MSR1: variants seen among roughly 807,000 people sequenced by gnomAD.
MSR1 encodes the protein macrophage scavenger receptor types I and II.
A neutral mutation model predicts 47.2 loss-of-function variants in MSR1; 53 were observed. The observed-to-expected ratio is 1.12, with a 90% CI of 0.90 to 1.41. MSR1 has a LOEUF of 1.41. MSR1 is among the 40% of genes most tolerant of loss of function. MSR1 has a pLI of 0.00. For missense variants in MSR1, 786 were observed against 546.9 expected, an observed-to-expected ratio of 1.44 and a Z score of -4.36; for synonymous variants, 239 against 185.6, an observed-to-expected ratio of 1.29 and a Z score of -2.34.
At chr8:16,135,606 T>C (rs1427047483) in intron 8 of MSR1, among the ~76,000 whole-genome samples, 1 of 152,202 alleles carries the variant, frequency 6.6e-6, no homozygotes, top group Non-Finnish European at 1.5e-5. Flanking sequence ...CCAGGATTAA[T>C]TTTTACTTTC....
At chr8:16,181,721 C>G (rs1454528684) in intron 1 of MSR1, among the ~76,000 whole-genome samples, 1 of 151,468 alleles carries the variant, frequency 6.6e-6, no homozygotes, top group Non-Finnish European at 1.5e-5. Context: ...ATGGGTGCAC[C>G]AAACCACCAT....
Position 16,168,686 on chromosome 8 carries a change from G to A in MSR1, c.402C>T (p.Asn134=), listed in dbSNP as rs776341969. ...RIQHILDMEA[N]LMDTEHFQNF... ...TTTGGAAATGCTCTGTGTCCATGAG[G>A]TTGGCTTCCATGTCTAAAATATGCT... Residue 134 remains asparagine, a synonymous_variant, in exon 4 of 10, where the codon AAC becomes AAT. Transcript: ENST00000262101. 1.2e-6 allele frequency: 2 copies of A among 1,614,132 alleles called. No individual in the cohort carries two copies. Among genetic ancestry groups the A allele is most frequent in the Middle Eastern group, 1.7e-4 (1 of 6,060 alleles).
rs149828791 is a variant in MSR1, at chr8:16,131,521, A to G, written c.1034-10915T>C. Among the ~76,000 whole-genome samples the G allele has an allele frequency of 9.5e-4, 126 of 132,748 alleles. 1 individual carries two copies. The highest frequency in any genetic ancestry group is 3.5e-3 in the African/African-American group (124 of 35,538). The allele number at this position is 132,748 out of a possible 152,430, so 87.1% of individuals were successfully genotyped here. A position where few individuals can be genotyped will look rare whatever the true frequency, so the allele number is the denominator to read the frequency against. On this transcript the variant is annotated intron_variant, in intron 8 of 9. Coordinates refer to ENST00000262101, the MANE Select transcript of MSR1 (RefSeq NM_138715.3). ...TTTGTCAATTTTTATTTTTGATGCA[A>G]TTGCTTTTGGCATCTTCATCGTGAA...
chr8:16,119,287 T>C (rs1799943899), intron 9 of MSR1, among the ~76,000 whole-genome samples: 1 of 152,034 alleles, frequency 6.6e-6, no homozygotes. Context: ...CAGGGTGGAG[T>C]GCAGCTCGGC....
chr8:16,114,802 T>A (rs1361794403), intron 9 of MSR1, among the ~76,000 whole-genome samples: 1 of 152,144 alleles, frequency 6.6e-6, no homozygotes. Context: ...GTTTGCTATT[T>A]AAAACCAGAA....
At chr8:16,134,858 G>T (rs1352848705) in intron 8 of MSR1, among the ~76,000 whole-genome samples, 1 of 152,140 alleles carries the variant, frequency 6.6e-6, no homozygotes, top group African/African-American at 2.4e-5. Context: ...TTTAGTTAGT[G>T]GCCTTCATAT....
At chr8:16,113,525 G>T (rs539763571) in intron 9 of MSR1, among the ~76,000 whole-genome samples, 1 of 152,220 alleles carries the variant, frequency 6.6e-6, no homozygotes, top group African/African-American at 2.4e-5. Context: ...GCCTAGTTGG[G>T]AAGTGTTTTG....
At chr8:16,180,183 T>G (rs1801787129) in intron 1 of MSR1, among the ~76,000 whole-genome samples, 1 of 151,944 alleles carries the variant, frequency 6.6e-6, no homozygotes, top group African/African-American at 2.4e-5. Flanking sequence ...CTTCTCTCAT[T>G]CACTCTTTCA....
At chr8:16,163,379 T>C (rs970385295) in intron 5 of MSR1, among the ~76,000 whole-genome samples, 1 of 151,400 alleles carries the variant, frequency 6.6e-6, no homozygotes, top group African/African-American at 2.4e-5. Flanking sequence ...AGGCAAAAGG[T>C]TGCAATCAAA....
chr8:16,175,552 G>A (rs948504977), intron 2 of MSR1, among the ~76,000 whole-genome samples: 11 of 152,132 alleles, frequency 7.2e-5, no homozygotes, highest in African/African-American at 2.7e-4. Context: ...TGCTCTACAA[G>A]TTGTGCTTGT....
In MSR1 at chr8:16,168,514, G is replaced by A. The variant is rs1270941777; in HGVS notation, c.574C>T (p.Leu192Phe). 6.2e-7 allele frequency: 1 copy of A among 1,614,122 alleles called. No individual in the cohort carries two copies. The highest frequency in any genetic ancestry group is 1.7e-5 in the Admixed American group (1 of 60,012). Residue 192 changes from leucine to phenylalanine, a missense_variant, in exon 4 of 10, where the codon CTC becomes TTC. Leu to Phe is a conservative substitution (Grantham distance 22). Transcript: ENST00000262101. The stretch of plus-strand genomic sequence containing the variant: ...TTGCCATTCAGATTTTCTATGTTGA[G>A]CTGCAAATCAAGCAATGTGGTATTC... The part of the protein sequence containing the change: ...SLNTTLLDLQ[L>F]NIENLNGKIQ...
intron 1 of MSR1, among the ~76,000 whole-genome samples, chr8:16,188,506 T>C (rs1052613136): frequency 6.6e-6 from 1 of 151,978 alleles, no homozygotes; most frequent in East Asian, 1.9e-4. Flanking sequence ...AAATTTTTTT[T>C]ATTATTCTTT....
chr8:16,153,915 C>T (rs2117141616), intron 6 of MSR1, among the ~76,000 whole-genome samples: 1 of 152,024 alleles, frequency 6.6e-6, no homozygotes, highest in South Asian at 2.1e-4. Context: ...AATAAAAATT[C>T]TTTCCTGGCA....
chr8:16,181,616 A>C (rs1013167821), intron 1 of MSR1, among the ~76,000 whole-genome samples: 4 of 151,868 alleles, frequency 2.6e-5, no homozygotes, highest in Non-Finnish European at 5.9e-5. Context: ...ACATGGACCC[A>C]GGGAGGGGAA....
intron 7 of MSR1, among the ~76,000 whole-genome samples, chr8:16,147,054 A>G (rs1156369736): frequency 1.3e-5 from 2 of 152,210 alleles, no homozygotes; most frequent in Non-Finnish European, 2.9e-5. Context: ...TCAAGAGGCA[A>G]AACAGACAGA....
intron 3 of MSR1, among the ~76,000 whole-genome samples, chr8:16,174,771 A>G (rs1452041299): frequency 2.0e-5 from 3 of 152,168 alleles, no homozygotes; most frequent in African/African-American, 7.2e-5. Flanking sequence ...CTTCTCCTGG[A>G]CAACAGGCTT....
At chr8:16,131,040 T>C (rs1427182904) in intron 8 of MSR1, among the ~76,000 whole-genome samples, 1 of 152,150 alleles carries the variant, frequency 6.6e-6, no homozygotes, top group African/African-American at 2.4e-5. Flanking sequence ...TTTTAAGTTC[T>C]TTGATAAACC....
chr8:16,155,064 C>T lies in MSR1; in HGVS notation c.898G>A (p.Gly300Ser). The T allele has an allele frequency of 6.2e-7, 1 of 1,609,970 alleles. No homozygotes were observed. Among genetic ancestry groups the T allele is most frequent in the Non-Finnish European group, 8.5e-7 (1 of 1,176,810 alleles). The change falls in exon 6 of 10, where the codon GGT becomes AGT. Residue 300 changes from glycine (G) to serine (S), a missense_variant and splice_region_variant. Coordinates refer to ENST00000262101, the MANE Select transcript of MSR1 (RefSeq NM_138715.3). ...GATTAAATAGCTAAAATTACCATAC[C>T]TATTGGACCTGGAAATCCTCGTGGA... The part of the protein sequence containing the change: ...SGPRGFPGPI[G>S]PPGLKGDRGA...
intron 8 of MSR1, chr8:16,141,102 T>C: frequency 6.3e-7 from 1 of 1,595,180 alleles, no homozygotes; most frequent in Non-Finnish European, 8.6e-7. Flanking sequence ...CAGAAAGCCT[T>C]ACAAAATTTT....
Sources: allele counts gnomAD v4.1 joint callset (sites outside exome capture counted in the v4.1 genomes callset), GRCh38; gene constraint gnomAD v4.1.1; transcripts MANE v1.5; gene names NCBI Gene and HGNC (gene_info 2026-07-23, HGNC 2026-07-21).